The following SLC28A1 variants were observed in gnomAD, a reference collection of about 807,000 sequenced individuals.
The protein encoded by SLC28A1 is sodium/nucleoside cotransporter 1.
SLC28A1 carries 64 observed loss-of-function variants against 74.8 expected under a neutral mutation model. The observed-to-expected ratio is 0.86, with a 90% CI of 0.70 to 1.05. SLC28A1 has a LOEUF of 1.05. Among genes scored for constraint, SLC28A1 ranks in the 50% least tolerant of loss-of-function variants. SLC28A1 has a pLI of 0.00. For synonymous variants in SLC28A1, 359 were observed against 335.0 expected (o/e 1.07, Z -0.78); for missense variants, 828 against 822.8 (o/e 1.01, Z -0.08).
At chr15:84,925,491 T>C (rs150977637) in intron 12 of SLC28A1, among the ~76,000 whole-genome samples, 29 of 152,096 alleles carry the variant, frequency 1.9e-4, no homozygotes, top group African/African-American at 7.0e-4. Context: ...TCCTAGCTAT[T>C]TGGGAGGCTG....
intron 12 of SLC28A1, among the ~76,000 whole-genome samples, chr15:84,931,073 T>C (rs1971214605): frequency 6.6e-6 from 1 of 151,848 alleles, no homozygotes; most frequent in African/African-American, 2.4e-5. Flanking sequence ...CCCGGCCTAA[T>C]TTTTGTATTC....
intron 15 of SLC28A1, among the ~76,000 whole-genome samples, chr15:84,937,887 ACT>A (rs1266122025): frequency 1.6e-5 from 2 of 127,422 alleles, no homozygotes; most frequent in Middle Eastern, 4.8e-3. Context: ...ACAGAGTGAG[ACT>A]CTGTCTCAAA....
intron 1 of SLC28A1, among the ~76,000 whole-genome samples, chr15:84,885,294 G>A (rs1193740376): frequency 6.6e-6 from 1 of 151,330 alleles, no homozygotes; most frequent in East Asian, 1.9e-4. Flanking sequence ...CTTGCTCTGT[G>A]GCTAGTTTTC....
At chr15:84,932,471 C>T (rs1971429627) in intron 12 of SLC28A1, among the ~76,000 whole-genome samples, 1 of 152,148 alleles carries the variant, frequency 6.6e-6, no homozygotes, top group Non-Finnish European at 1.5e-5. Flanking sequence ...GACTGAGGGT[C>T]AAACGGTGGC....
rs1230839166 is a variant in SLC28A1 at position 84,885,748 on chromosome 15, AG to A, written c.-132-922del. ...CTCCGTCTCAAAAAAAAAAAAAAAAAGGAGGAAAATGCCACACAAACTCAAT... is the reference window on the plus strand; with the variant it reads ...CTCCGTCTCAAAAAAAAAAAAAAAAAGAGGAAAATGCCACACAAACTCAAT... On this transcript the variant is annotated intron_variant, in intron 1 of 18. Transcript: ENST00000394573. 8.6e-5 allele frequency among the ~76,000 whole-genome samples: 13 copies of A among 151,168 alleles called. 1 individual carries two copies. The East Asian group carries it at 2.5e-3, about 29-fold the overall frequency.
chr15:84,944,728 TG>T, intron 17 of SLC28A1, 27 bp from the exon 18 acceptor site: 1 of 1,449,098 alleles, frequency 6.9e-7, no homozygotes, highest in Non-Finnish European at 9.1e-7. Flanking sequence ...CCGGGGGCCC[TG>T]CCCCACCCAC....
intron 6 of SLC28A1, among the ~76,000 whole-genome samples, chr15:84,899,940 A>AAGGAAGGAAGGAAGGAAGGAAGGAAGG (rs1966437006): frequency 2.2e-5 from 3 of 136,816 alleles, no homozygotes; most frequent in South Asian, 2.6e-4. Flanking sequence ...AGAAAGAAAG[A>AAGGAAGGAAGGAAGGAAGGAAGGAAGG]AAGGAAGGAA....
the SLC28A1 span, among the ~76,000 whole-genome samples, chr15:84,955,015 A>G: frequency 1.3e-5 from 2 of 152,208 alleles, no homozygotes; most frequent in African/African-American, 2.4e-5. Flanking sequence ...ACCCACCACA[A>G]AGAAAGAGTT....
At chr15:84,943,790 G>A (rs1482934282) in intron 16 of SLC28A1, among the ~76,000 whole-genome samples, 2 of 152,024 alleles carry the variant, frequency 1.3e-5, no homozygotes, top group African/African-American at 4.8e-5. Flanking sequence ...TTAGCCAGGC[G>A]TGGTGGTGCA....
At chr15:84,946,064 A>G (rs1463441168), downstream of SLC28A1, among the ~76,000 whole-genome samples, 90 of 69,236 alleles carry the variant, frequency 1.3e-3, 1 homozygote, top group African/African-American at 5.0e-3. Flanking sequence ...ACATACATAT[A>G]TATATATGTG....
At chr15:84,887,940 C>A in intron 3 of SLC28A1, 84 bp downstream of exon 3, 1 of 960,378 alleles carries the variant, frequency 1.0e-6, no homozygotes, top group Non-Finnish European at 1.7e-6. Flanking sequence ...GGCTTTTGCT[C>A]ACCACCTTCC....
At chr15:84,971,741 C>T in the SLC28A1 span, among the ~76,000 whole-genome samples, 1 of 152,094 alleles carries the variant, frequency 6.6e-6, no homozygotes, top group Non-Finnish European at 1.5e-5. Context: ...CCTCCACCTC[C>T]CAGGCTCAAG....
intron 1 of SLC28A1, chr15:84,886,446 G>C: frequency 1.0e-6 from 1 of 985,462 alleles, no homozygotes; most frequent in Non-Finnish European, 1.2e-6. Flanking sequence ...AGGCCTGGAA[G>C]AGGTCAGTTT....
At position 84,943,557 on chromosome 15, in the gene SLC28A1, A is replaced by G. The variant is rs776803744; in HGVS notation, c.1663+31A>G. On this transcript the variant is annotated intron_variant, in intron 16 of 18. Coordinates refer to ENST00000394573, the MANE Select transcript of SLC28A1 (RefSeq NM_004213.5). The stretch of plus-strand genomic sequence containing the variant: ...TCTAATCAGGGCCTCACCAGTGTCT[A>G]GGAGAGTCTGGGACTTGAACTTGCT... 3.9e-6 allele frequency: 6 copies of G among 1,535,030 alleles called. No individual in the cohort carries two copies. The South Asian group carries it at 4.5e-5, about 11-fold the overall frequency.
chr15:84,925,687 G>C (rs1246987757), intron 12 of SLC28A1, among the ~76,000 whole-genome samples: 3 of 152,122 alleles, frequency 2.0e-5, no homozygotes, highest in Non-Finnish European at 4.4e-5. Context: ...CCCAATTTGA[G>C]ACCACTGACC....
chr15:84,904,199 C>T lies in SLC28A1; in HGVS notation c.564C>T (p.Phe188=), dbSNP rs1306505627. The T allele has an allele frequency of 1.2e-5, 20 of 1,614,164 alleles. No individual in the cohort carries two copies. Among genetic ancestry groups the T allele is most frequent in the Non-Finnish European group, 1.7e-5 (20 of 1,180,044 alleles). ...QLVSFAGICV[F]VALLFACSKH... is the part of the protein sequence containing the mutation. ...TGTCCTTCGCAGGAATCTGCGTGTTCGTCGCTCTCCTCTTTGCCTGCTCAA... is the reference window on the plus strand; with the variant it reads ...TGTCCTTCGCAGGAATCTGCGTGTTTGTCGCTCTCCTCTTTGCCTGCTCAA... Residue 188 remains phenylalanine (F), a synonymous_variant, in exon 7 of 19, where the codon TTC becomes TTT. Transcript: ENST00000394573.
the SLC28A1 span, among the ~76,000 whole-genome samples, chr15:84,951,396 A>T: frequency 9.9e-5 from 15 of 151,652 alleles, no homozygotes; most frequent in African/African-American, 2.7e-4. Context: ...ACTGCACTCC[A>T]GCTCAGGTGA....
In SLC28A1 at chr15:84,933,273, T is replaced by C. The variant is rs1479451384; in HGVS notation, c.1212T>C (p.Tyr404=). 2 of 1,612,596 alleles carry C rather than the reference T, an allele frequency of 1.2e-6. No homozygotes were observed. The highest frequency in any genetic ancestry group is 8.5e-7 in the Non-Finnish European group (1 of 1,179,288). ...FRREEGVKLT[Y]GDAQNLIEAA... ...GGGAGGAAGGAGTGAAACTGACCTA[T>C]GGGTGAGCACAGCAGGAGGTCCTGC... Residue 404 remains tyrosine (Y), a splice_region_variant and synonymous_variant, in exon 13 of 19, where the codon TAT becomes TAC. Coordinates refer to ENST00000394573, the MANE Select transcript of SLC28A1 (RefSeq NM_004213.5).
At position 84,904,148 on chromosome 15, in the gene SLC28A1, C is replaced by T; in HGVS notation, c.513C>T (p.Asp171=). ...GCCTGGTCCTGTGGCTGTCTCTGGA[C>T]ACCTCCCAGCGGCCTGAGCAACTGG... ...FLGLVLWLSL[D]TSQRPEQLVS... The change falls in exon 7 of 19, where the codon GAC becomes GAT. Residue 171 remains aspartate, a synonymous_variant. Transcript: ENST00000394573. 1 of 1,614,208 alleles carries T rather than the reference C, an allele frequency of 6.2e-7. No homozygotes were observed. Among genetic ancestry groups the T allele is most frequent in the Non-Finnish European group, 8.5e-7 (1 of 1,180,032 alleles).
Sources: allele counts gnomAD v4.1 joint callset (sites outside exome capture counted in the v4.1 genomes callset), GRCh38; gene constraint gnomAD v4.1.1; transcripts MANE v1.5; gene names NCBI Gene and HGNC (gene_info 2026-07-23, HGNC 2026-07-21).